Variants in B4GALNT3 observed in about 807,000 individuals in gnomAD.
The protein encoded by B4GALNT3 is beta-1,4-N-acetyl-galactosaminyltransferase 3.
Under a neutral mutation model 120.2 loss-of-function variants are expected in B4GALNT3, and 86 were observed. The observed-to-expected ratio is 0.72, with a 90% CI of 0.60 to 0.86. B4GALNT3 has a LOEUF of 0.86. Ranked by LOEUF, B4GALNT3 falls within the 40% of genes least tolerant of loss-of-function variation. The probability of loss-of-function intolerance (pLI) is 0.00; values close to 1 mark genes in which losing one functional copy is unlikely to be tolerated. For missense variants in B4GALNT3, 1,167 were observed against 1,298.9 expected (o/e 0.90, Z 1.56); for synonymous variants, 518 against 510.4 (o/e 1.01, Z -0.20).
At chr12:476,805 C>T (rs999830236) in intron 1 of B4GALNT3, among the ~76,000 whole-genome samples, 7 of 152,092 alleles carry the variant, frequency 4.6e-5, no homozygotes, top group South Asian at 2.1e-4. Context: ...CAGGGTGGAC[C>T]CCAGGGGTGC....
chr12:561,640 C>G lies in B4GALNT3; in HGVS notation c.*189C>G, dbSNP rs1266776182. The G allele has an allele frequency of 1.7e-6, 1 of 581,376 alleles. No homozygotes were observed. The highest frequency in any genetic ancestry group is 1.9e-5 in the African/African-American group (1 of 53,416). 36.0% of individuals were successfully genotyped at this position (581,376 alleles called of 1,614,324 possible). ...GTTCCGGGGCTCCTGTCTCTGCCTCCTGGGCCTTCAGAAGGGAGGACTTTG... is the reference window on the plus strand; with the variant it reads ...GTTCCGGGGCTCCTGTCTCTGCCTCGTGGGCCTTCAGAAGGGAGGACTTTG... On this transcript the variant is annotated 3_prime_UTR_variant, in exon 20 of 20. Coordinates refer to ENST00000266383, the MANE Select transcript of B4GALNT3 (RefSeq NM_173593.4).
chr12:494,713 G>T lies in B4GALNT3; in HGVS notation c.169+34168G>T, dbSNP rs186844505. Among the ~76,000 whole-genome samples, 150 of 152,152 alleles carry T rather than the reference G, an allele frequency of 9.9e-4. 1 individual carries two copies. The highest frequency in any genetic ancestry group is 3.4e-3 in the African/African-American group (143 of 41,474). Reference sequence around the variant, plus strand: ...GAGAAGACCCACAGATTGTCCCCTTGTCACCAGCCCTATCAATCAATGCAC... The same window carrying T: ...GAGAAGACCCACAGATTGTCCCCTTTTCACCAGCCCTATCAATCAATGCAC... On this transcript the variant is annotated intron_variant, in intron 1 of 19. Transcript: ENST00000266383.
intron 1 of B4GALNT3, among the ~76,000 whole-genome samples, chr12:531,397 C>T (rs1367770847): frequency 6.6e-6 from 1 of 152,072 alleles, no homozygotes; most frequent in Non-Finnish European, 1.5e-5. Context: ...ATCTGTAATC[C>T]CAGCACTTTG....
intron 1 of B4GALNT3, among the ~76,000 whole-genome samples, chr12:533,168 G>A (rs990100779): frequency 6.6e-6 from 1 of 152,228 alleles, no homozygotes; most frequent in Non-Finnish European, 1.5e-5. Flanking sequence ...CTCAGGGCTG[G>A]GAAGGGATGA....
rs553051692 is a variant in B4GALNT3, at chr12:497,023, C to T, written c.169+36478C>T. Among the ~76,000 whole-genome samples, 401 of 152,132 alleles carry T rather than the reference C, an allele frequency of 2.6e-3. 2 individuals carry two copies. The highest frequency in any genetic ancestry group is 9.2e-3 in the African/African-American group (382 of 41,516). Reference sequence around the variant, plus strand: ...CTTCACTTTCAATTTTTTGTAGAGACGGGTTCTTGCTGTGTTTCTCAGGCT... The same window carrying T: ...CTTCACTTTCAATTTTTTGTAGAGATGGGTTCTTGCTGTGTTTCTCAGGCT... On this transcript the variant is annotated intron_variant, in intron 1 of 19. Transcript: ENST00000266383.
Position 550,058 on chromosome 12 carries a change from T to C in B4GALNT3, c.997+146T>C. The C allele has an allele frequency of 1.1e-6, 1 of 876,052 alleles. No homozygotes were observed. The allele number at this position is 876,052 out of a possible 1,614,324, so 54.3% of individuals were successfully genotyped here. On this transcript the variant is annotated intron_variant, in intron 10 of 19. Coordinates refer to ENST00000266383, the MANE Select transcript of B4GALNT3 (RefSeq NM_173593.4). This position sits in a 1 kb window ranked among gnomAD's most constrained non-coding sequence, Gnocchi z 4.1. The stretch of plus-strand genomic sequence containing the variant: ...TCGTCCTTGTAACATAGAACATGCA[T>C]ACAGAAAAGAGAGCATGTAAATAAG...
intron 1 of B4GALNT3, among the ~76,000 whole-genome samples, chr12:484,855 A>T (rs1946275702): frequency 6.6e-6 from 1 of 151,888 alleles, no homozygotes; most frequent in Non-Finnish European, 1.5e-5. Flanking sequence ...TCCTCCCAGT[A>T]ATGGTCCCAG....
At chr12:462,489 G>T (rs1455702853) in intron 1 of B4GALNT3, among the ~76,000 whole-genome samples, 1 of 151,286 alleles carries the variant, frequency 6.6e-6, no homozygotes, top group African/African-American at 2.4e-5. Context: ...TCTTGAGTCT[G>T]TTGGGTTCCC....
chr12:511,674 C>A (rs1363306267), intron 1 of B4GALNT3, among the ~76,000 whole-genome samples: 1 of 148,170 alleles, frequency 6.7e-6, no homozygotes, highest in East Asian at 2.0e-4. Context: ...CACCTTCCGC[C>A]TTCCGCCTTC....
chr12:494,692 A>G (rs1318155868), intron 1 of B4GALNT3, among the ~76,000 whole-genome samples: 1 of 151,894 alleles, frequency 6.6e-6, no homozygotes, highest in Non-Finnish European at 1.5e-5. Context: ...GTGTAGGAGA[A>G]GACCCACAGA....
chr12:506,142 G>T (rs1946495162), intron 1 of B4GALNT3, among the ~76,000 whole-genome samples: 1 of 151,960 alleles, frequency 6.6e-6, no homozygotes, highest in African/African-American at 2.4e-5. Context: ...AAATTCATTA[G>T]GCAGGCTTTA....
rs1412560405 is a variant in B4GALNT3 at position 460,321 on chromosome 12, G to T, written c.-56G>T. The T allele has an allele frequency of 4.1e-6, 4 of 982,162 alleles. No homozygotes were observed. In the Admixed American group the frequency reaches 1.9e-4, roughly 46 times the overall value. The allele number at this position is 982,162 out of a possible 1,614,324, so 60.8% of individuals were successfully genotyped here. On this transcript the variant is annotated 5_prime_UTR_variant, in exon 1 of 20. Coordinates refer to ENST00000266383, the MANE Select transcript of B4GALNT3 (RefSeq NM_173593.4). The surrounding 1 kb of genome is among the most constrained non-coding windows in gnomAD (Gnocchi z 8.0). ...CCTGGGCGCGGGGCCCGGCCGGGGG[G>T]CGGCGGCTCGGGGGGTTGGAGCCCG... is the stretch of plus-strand genomic sequence containing the variant.
chr12:518,422 AT>A (rs559823340), intron 1 of B4GALNT3, among the ~76,000 whole-genome samples: 149 of 152,236 alleles, frequency 9.8e-4, no homozygotes, highest in African/African-American at 3.4e-3. Context: ...CTTCCATATG[AT>A]TTTTTTAAGA....
chr12:482,780 G>A (rs1259356895), intron 1 of B4GALNT3, among the ~76,000 whole-genome samples: 2 of 152,210 alleles, frequency 1.3e-5, no homozygotes, highest in African/African-American at 4.8e-5. Context: ...AGGTTCACTT[G>A]AGCCCAGGGG....
intron 1 of B4GALNT3, among the ~76,000 whole-genome samples, chr12:534,443 G>T (rs1946838036): frequency 6.6e-6 from 1 of 152,140 alleles, no homozygotes; most frequent in East Asian, 1.9e-4. Context: ...CTCCTGACTT[G>T]TGAATGCGCG....
chr12:541,245 G>T (rs938531181), intron 3 of B4GALNT3, among the ~76,000 whole-genome samples: 2 of 152,226 alleles, frequency 1.3e-5, no homozygotes, highest in Non-Finnish European at 2.9e-5. Flanking sequence ...TCTCCCAAGG[G>T]TTACTTGCTG....
In B4GALNT3 at chr12:553,793, T is replaced by C; in HGVS notation, c.1870T>C (p.Tyr624His). Reference sequence around the variant, plus strand: ...AGAGGATATGAGTGAGGTGTTCGAGTACGTACCTGTGTTTGACCCGGTAGT... The same window carrying C: ...AGAGGATATGAGTGAGGTGTTCGAGCACGTACCTGTGTTTGACCCGGTAGT... ...EEEDMSEVFE[Y>H]VPVFDPVVNW... Residue 624 changes from tyrosine (Y) to histidine (H), a missense_variant, in exon 14 of 20, where the codon TAC becomes CAC. Tyr to His is a moderately conservative substitution (Grantham distance 83). Transcript: ENST00000266383. 6.2e-7 allele frequency: 1 copy of C among 1,614,168 alleles called. No individual in the cohort carries two copies. The highest frequency in any genetic ancestry group is 1.6e-4 in the Middle Eastern group (1 of 6,062).
chr12:478,860 G>T (rs1255403580), intron 1 of B4GALNT3, among the ~76,000 whole-genome samples: 9 of 152,230 alleles, frequency 5.9e-5, no homozygotes, highest in Non-Finnish European at 1.5e-5. Flanking sequence ...AGGATCAGAG[G>T]TTGCTACTGC....
At chr12:514,415 T>C (rs1369266482) in intron 1 of B4GALNT3, among the ~76,000 whole-genome samples, 1 of 151,672 alleles carries the variant, frequency 6.6e-6, no homozygotes, top group Non-Finnish European at 1.5e-5. Context: ...GCCAGGATGG[T>C]CTCGATCTAC....
Sources: allele counts gnomAD v4.1 joint callset (sites outside exome capture counted in the v4.1 genomes callset), GRCh38; gene constraint gnomAD v4.1.1; non-coding constraint Gnocchi (gnomAD v3.1); transcripts MANE v1.5; gene names NCBI Gene and HGNC (gene_info 2026-07-23, HGNC 2026-07-21).